FAM171A1: variants seen among roughly 807,000 people sequenced by gnomAD.
The protein encoded by FAM171A1 is protein FAM171A1.
In FAM171A1, 23 loss-of-function variants were observed where a neutral mutation model predicts 74.9. The ratio of observed to expected loss-of-function variants is 0.31; its 90% CI spans 0.22 to 0.44. FAM171A1 has a LOEUF of 0.44. Ranked by LOEUF, FAM171A1 falls within the 20% of genes least tolerant of loss-of-function variation. The probability of loss-of-function intolerance (pLI) is 1.00; values close to 1 mark genes in which losing one functional copy is unlikely to be tolerated. For missense variants in FAM171A1, 1,162 were observed against 1,159.2 expected (o/e 1.00, Z -0.03); for synonymous variants, 527 against 505.7 (o/e 1.04, Z -0.57).
At chr10:15,238,022 C>G (rs1223309097) in intron 5 of FAM171A1, among the ~76,000 whole-genome samples, 1 of 152,156 alleles carries the variant, frequency 6.6e-6, no homozygotes, top group African/African-American at 2.4e-5. Flanking sequence ...GGCATCTATT[C>G]TTTTTCAAAA....
At chr10:15,350,725 G>T (rs1207193416) in intron 1 of FAM171A1, among the ~76,000 whole-genome samples, 1 of 150,672 alleles carries the variant, frequency 6.6e-6, no homozygotes, top group Non-Finnish European at 1.5e-5. Flanking sequence ...TGCAACATCT[G>T]CCTCCCAGGT....
intron 1 of FAM171A1, among the ~76,000 whole-genome samples, chr10:15,325,371 G>C (rs1835542930): frequency 6.6e-6 from 1 of 152,122 alleles, no homozygotes. Context: ...AGCCAGGTGT[G>C]GTAGCCCTAG....
At chr10:15,216,833 A>G (rs1588492418) in intron 6 of FAM171A1, among the ~76,000 whole-genome samples, 1 of 19,054 alleles carries the variant, frequency 5.2e-5, no homozygotes, top group African/African-American at 2.2e-3. Flanking sequence ...TATTGCAGTG[A>G]AAAAAAAAAA....
intron 3 of FAM171A1, among the ~76,000 whole-genome samples, chr10:15,259,894 C>A (rs1439983346): frequency 2.6e-5 from 4 of 151,956 alleles, no homozygotes. Flanking sequence ...GATGCCATCA[C>A]AGTTCACTGC....
intron 1 of FAM171A1, among the ~76,000 whole-genome samples, chr10:15,300,099 G>A (rs911585448): frequency 1.3e-5 from 2 of 152,216 alleles, no homozygotes; most frequent in African/African-American, 2.4e-5. Flanking sequence ...GGTCCCTGGA[G>A]CAGCTGAAGT....
intron 1 of FAM171A1, among the ~76,000 whole-genome samples, chr10:15,301,641 A>G (rs1835230824): frequency 6.6e-6 from 1 of 152,178 alleles, no homozygotes; most frequent in Non-Finnish European, 1.5e-5. Context: ...CTATAAAGTA[A>G]GCTGTTGCAT....
chr10:15,227,192 A>G (rs923570168), intron 5 of FAM171A1, among the ~76,000 whole-genome samples: 2 of 152,014 alleles, frequency 1.3e-5, no homozygotes, highest in African/African-American at 4.8e-5. Context: ...ATGGAAATGG[A>G]GTTTCACCAT....
chr10:15,269,078 G>A (rs1272738125), intron 3 of FAM171A1, among the ~76,000 whole-genome samples: 1 of 151,538 alleles, frequency 6.6e-6, no homozygotes, highest in Admixed American at 6.6e-5. Context: ...ACAAAGCCAG[G>A]AAACATGATT....
chr10:15,370,990 G>A lies in FAM171A1; in HGVS notation c.63C>T (p.Thr21=). 3 of 1,193,110 alleles carry A rather than the reference G, an allele frequency of 2.5e-6. No individual in the cohort carries two copies. The highest frequency in any genetic ancestry group is 3.2e-6 in the Non-Finnish European group (3 of 939,672). 73.9% of individuals were successfully genotyped at this position (1,193,110 alleles called of 1,614,324 possible). ...LLGCHVWKAV[T]KTLREPGAGA... ...CGGCGCCGGGCTCCCGCAGCGTCTT[G>A]GTCACCGCCTTCCAGACGTGGCAGC... Residue 21 remains threonine (T), a synonymous_variant, in exon 1 of 8, where the codon ACC becomes ACT. Coordinates refer to ENST00000378116, the MANE Select transcript of FAM171A1 (RefSeq NM_001010924.2).
intron 1 of FAM171A1, among the ~76,000 whole-genome samples, chr10:15,306,688 T>C (rs987384962): frequency 6.6e-6 from 1 of 152,196 alleles, no homozygotes; most frequent in African/African-American, 2.4e-5. Flanking sequence ...TTCAATGGAC[T>C]GTCACGACCA....
intron 3 of FAM171A1, among the ~76,000 whole-genome samples, chr10:15,261,809 C>G (rs528627174): frequency 6.6e-6 from 1 of 152,100 alleles, no homozygotes; most frequent in Non-Finnish European, 1.5e-5. Context: ...TTAGGAAGGA[C>G]TTGGTAAGTC....
chr10:15,250,495 C>T (rs777952621), intron 4 of FAM171A1, among the ~76,000 whole-genome samples: 22 of 152,234 alleles, frequency 1.4e-4, no homozygotes, highest in African/African-American at 2.7e-4. Context: ...GGCGCAGTGG[C>T]GCATGCCTGT....
chr10:15,263,848 CATCTATCTATCTATCTATCTATCT>C (rs56341083), intron 3 of FAM171A1, among the ~76,000 whole-genome samples: 1,774 of 143,866 alleles, frequency 0.012, 11 homozygotes, highest in Non-Finnish European at 0.016. Flanking sequence ...ACATTTATCT[CATCTATCTATCTATCTATCTATCT>C]ATCTATCTAT....
rs142904177 is a variant in FAM171A1, at chr10:15,240,413, A to G, written c.754+8226T>C. Among the ~76,000 whole-genome samples the G allele has an allele frequency of 2.1e-3, 326 of 152,304 alleles. 1 individual carries two copies. The highest frequency in any genetic ancestry group is 3.9e-3 in the Non-Finnish European group (262 of 68,024). ...TTGAGGGTCCATATAGCAATTAGCC[A>G]ACTCATGCTGTTGTAACATGCTAAA... On this transcript the variant is annotated intron_variant, in intron 5 of 7. Coordinates refer to ENST00000378116, the MANE Select transcript of FAM171A1 (RefSeq NM_001010924.2).
In FAM171A1 at chr10:15,213,764, C is replaced by T; in HGVS notation, c.1824G>A (p.Gln608=). The T allele has an allele frequency of 1.9e-6, 3 of 1,614,098 alleles. No individual in the cohort carries two copies. The highest frequency in any genetic ancestry group is 2.5e-6 in the Non-Finnish European group (3 of 1,179,980). ...CAGCCTGTAGTCTTTCTATCTCAAG[C>T]TGCTGATCAGCCGGGACGACGAGGG... is the stretch of plus-strand genomic sequence containing the variant. ...SQPLVVPADQ[Q]LEIERLQAEL... is the part of the protein sequence containing the mutation. The change falls in exon 8 of 8, where the codon CAG becomes CAA. Residue 608 remains glutamine (Q), a synonymous_variant. Coordinates refer to ENST00000378116, the MANE Select transcript of FAM171A1 (RefSeq NM_001010924.2). This position sits in a 1 kb window ranked among gnomAD's most constrained non-coding sequence, Gnocchi z 6.8.
chr10:15,250,213 T>A (rs1834490037), intron 4 of FAM171A1, among the ~76,000 whole-genome samples: 1 of 152,234 alleles, frequency 6.6e-6, no homozygotes, highest in Non-Finnish European at 1.5e-5. Context: ...GGTGTGGGAA[T>A]GGAGATTTCG....
intron 1 of FAM171A1, among the ~76,000 whole-genome samples, chr10:15,354,271 G>A (rs886844507): frequency 4.6e-5 from 7 of 152,018 alleles, no homozygotes; most frequent in East Asian, 1.9e-4. Context: ...TGAGGTGGGC[G>A]GATCACCTGA....
At chr10:15,369,478 T>C (rs182154001) in intron 1 of FAM171A1, among the ~76,000 whole-genome samples, 59 of 152,268 alleles carry the variant, frequency 3.9e-4, no homozygotes, top group African/African-American at 1.4e-3. Flanking sequence ...AAGAGACATA[T>C]AGGTCTTTTT....
chr10:15,248,746 G>C lies in FAM171A1; in HGVS notation c.647C>G (p.Thr216Arg), dbSNP rs200087489. The change falls in exon 5 of 8, where the codon ACG becomes AGG. Residue 216 changes from threonine (T) to arginine (R), a missense_variant. Physicochemically the swap from Thr to Arg is moderately conservative, Grantham distance 71. Coordinates refer to ENST00000378116, the MANE Select transcript of FAM171A1 (RefSeq NM_001010924.2). ...VSVHLLSSNG[T>R]PVLVDGPIYV... Reference sequence around the variant, plus strand: ...GATGGGACCATCCACCAGCACCGGCGTTCCATTACTGCTCAGCAAGTGGAC... The same window carrying C: ...GATGGGACCATCCACCAGCACCGGCCTTCCATTACTGCTCAGCAAGTGGAC... 3.1e-6 allele frequency: 5 copies of C among 1,613,754 alleles called. No homozygotes were observed. Among genetic ancestry groups the C allele is most frequent in the Non-Finnish European group, 4.2e-6 (5 of 1,179,820 alleles).
Sources: gnomAD v4.1 joint callset for allele counts (sites outside exome capture counted in the v4.1 genomes callset) on GRCh38, gnomAD v4.1.1 for gene constraint, Gnocchi (gnomAD v3.1) non-coding constraint, MANE v1.5 for transcripts, NCBI Gene and HGNC (gene_info 2026-07-23, HGNC 2026-07-21) for gene names.